SMAD5: variants seen among roughly 807,000 people sequenced by gnomAD.
SMAD5 encodes the protein SMAD family member 5.
A neutral mutation model predicts 43.1 loss-of-function variants in SMAD5; 9 were observed. That is an observed-to-expected ratio of 0.21 (90% CI 0.13 to 0.36). The LOEUF (loss-of-function observed/expected upper bound fraction) is 0.36, where lower values mean the gene tolerates loss of function less well. SMAD5 is among the 10% of genes least tolerant of loss of function. The pLI is 1.00. For synonymous variants in SMAD5, 190 were observed against 192.4 expected (o/e 0.99, Z 0.10); for missense variants, 348 against 574.0 (o/e 0.61, Z 4.02).
At chr5:136,149,629 G>T (rs1753383720) in intron 2 of SMAD5, among the ~76,000 whole-genome samples, 1 of 151,516 alleles carries the variant, frequency 6.6e-6, no homozygotes. Context: ...GTCCTCTTTT[G>T]TGAAGGATCT....
At chr5:136,147,160 AAATGTCCT>A (rs1753287164) in intron 1 of SMAD5, among the ~76,000 whole-genome samples, 1 of 151,754 alleles carries the variant, frequency 6.6e-6, no homozygotes, top group East Asian at 1.9e-4. Context: ...AGTGTGCTAA[AAATGTCCT>A]AATGATAATT....
intron 1 of SMAD5, among the ~76,000 whole-genome samples, chr5:136,146,606 TATGTG>T (rs1048440969): frequency 4.2e-4 from 64 of 151,848 alleles, no homozygotes; most frequent in African/African-American, 1.1e-3. Flanking sequence ...ACCGAGTACT[TATGTG>T]AGGATACTAA....
intron 3 of SMAD5, among the ~76,000 whole-genome samples, chr5:136,156,688 C>T (rs996870546): frequency 2.0e-5 from 3 of 152,138 alleles, no homozygotes; most frequent in Non-Finnish European, 4.4e-5. Context: ...AGGAGGGAGT[C>T]TAGGAATTTT....
At chr5:136,176,177 G>A (rs1004403139) in intron 7 of SMAD5, among the ~76,000 whole-genome samples, 75 of 151,732 alleles carry the variant, frequency 4.9e-4, no homozygotes, top group African/African-American at 1.7e-3. Flanking sequence ...ACCTGGGCCG[G>A]GTGAGGTGGC....
At chr5:136,145,632 C>A (rs767652403) in intron 1 of SMAD5, among the ~76,000 whole-genome samples, 16 of 152,012 alleles carry the variant, frequency 1.1e-4, no homozygotes, top group Non-Finnish European at 2.2e-4. Context: ...ATTTAAAATC[C>A]TCAGCCTGAT....
At chr5:136,164,840 A>T (rs565822229) in intron 5 of SMAD5, among the ~76,000 whole-genome samples, 3 of 152,268 alleles carry the variant, frequency 2.0e-5, no homozygotes, top group African/African-American at 7.2e-5. Context: ...TAGAAGTTCT[A>T]TAGTTTTAGC....
intron 5 of SMAD5, among the ~76,000 whole-genome samples, chr5:136,172,149 T>G (rs1754245250): frequency 6.6e-6 from 1 of 152,084 alleles, no homozygotes; most frequent in African/African-American, 2.4e-5. Context: ...AGAAATAAAT[T>G]TCTGTTGTTT....
rs1185223347 is a variant in SMAD5, at chr5:136,181,096, T to C, written c.*3616T>C. On this transcript the variant is annotated 3_prime_UTR_variant, in exon 8 of 8. Coordinates refer to ENST00000545279, the MANE Select transcript of SMAD5 (RefSeq NM_005903.7). ...CTATCAAAGTGCTGTACTTCTGTGA[T>C]AGAGAACATCTGATGTACCAATTTA... is the stretch of plus-strand genomic sequence containing the variant. The C allele has an allele frequency of 3.9e-5, 6 of 152,160 alleles. No individual in the cohort carries two copies. Among genetic ancestry groups the C allele is most frequent in the African/African-American group, 1.2e-4 (5 of 41,462 alleles). The allele number at this position is 152,160 out of a possible 1,614,324, so 9.4% of individuals were successfully genotyped here. A position where few individuals can be genotyped will look rare whatever the true frequency, so the allele number is the denominator to read the frequency against.
In SMAD5 at chr5:136,160,947, A is replaced by G. The variant is rs779435052; in HGVS notation, c.495A>G (p.Pro165=). ...TTAGGAACCTGAGCCACAATGAACC[A>G]CACATGCCACAAAATGCCACGTTTC... The part of the protein sequence containing the change: ...VQFRNLSHNE[P]HMPQNATFPD... The change falls in exon 4 of 8, where the codon CCA becomes CCG. Residue 165 remains proline, a synonymous_variant. Transcript: ENST00000545279. 1 of 1,613,944 alleles carries G rather than the reference A, an allele frequency of 6.2e-7. No individual in the cohort carries two copies. Among genetic ancestry groups the G allele is most frequent in the Non-Finnish European group, 8.5e-7 (1 of 1,179,862 alleles).
At position 136,153,844 on chromosome 5, in the gene SMAD5, G is replaced by A; in HGVS notation, c.84G>A (p.Glu28=). The A allele has an allele frequency of 3.7e-6, 6 of 1,613,806 alleles. No homozygotes were observed. Among genetic ancestry groups the A allele is most frequent in the Non-Finnish European group, 5.1e-6 (6 of 1,179,796 alleles). The change falls in exon 3 of 8, where the codon GAG becomes GAA. Residue 28 remains glutamate (E), a synonymous_variant. Transcript: ENST00000545279. ...LLGWKQGDEE[E]KWAEKAVDAL... is the part of the protein sequence containing the mutation. ...GCTGGAAACAAGGTGATGAGGAGGA[G>A]AAATGGGCAGAAAAGGCAGTTGATG...
intron 5 of SMAD5, among the ~76,000 whole-genome samples, chr5:136,166,262 C>T (rs1754008465): frequency 6.6e-6 from 1 of 151,812 alleles, no homozygotes; most frequent in South Asian, 2.1e-4. Flanking sequence ...CCTTAACCTC[C>T]TTAGTTTGTC....
chr5:136,160,828 C>T (rs1201682746), intron 3 of SMAD5, 28 bp from the exon 4 acceptor site: 1 of 1,608,682 alleles, frequency 6.2e-7, no homozygotes, highest in Non-Finnish European at 8.5e-7. Flanking sequence ...TCATTCCTGA[C>T]AAATGACTTT....
chr5:136,161,149 T>A, intron 4 of SMAD5, 42 bp downstream of exon 4: 1 of 1,566,450 alleles, frequency 6.4e-7, no homozygotes, highest in Non-Finnish European at 8.7e-7. Context: ...AAAAAATTCC[T>A]AAGAATCACA....
chr5:136,136,391 T>A (rs1752879010), intron 1 of SMAD5, among the ~76,000 whole-genome samples: 1 of 152,190 alleles, frequency 6.6e-6, no homozygotes, highest in Non-Finnish European at 1.5e-5. Context: ...TTCGCCAGGC[T>A]GGTCTTGAAC....
chr5:136,138,452 G>T, intron 1 of SMAD5, among the ~76,000 whole-genome samples: 1 of 152,300 alleles, frequency 6.6e-6, no homozygotes, highest in East Asian at 1.9e-4. Context: ...TTCTTATAAA[G>T]AATAGGATTT....
At chr5:136,143,207 G>A (rs1753142775) in intron 1 of SMAD5, among the ~76,000 whole-genome samples, 1 of 151,466 alleles carries the variant, frequency 6.6e-6, no homozygotes, top group Non-Finnish European at 1.5e-5. Flanking sequence ...CATTATTCAG[G>A]GTTTAAACCT....
chr5:136,159,830 T>A (rs1753767676), intron 3 of SMAD5, among the ~76,000 whole-genome samples: 1 of 152,220 alleles, frequency 6.6e-6, no homozygotes, highest in African/African-American at 2.4e-5. Flanking sequence ...AAACACTGGA[T>A]TGTTGTGTAC....
At chr5:136,169,264 C>T (rs1015575015) in intron 5 of SMAD5, among the ~76,000 whole-genome samples, 1 of 152,212 alleles carries the variant, frequency 6.6e-6, no homozygotes, top group Admixed American at 6.5e-5. Flanking sequence ...CAAGTCTGCT[C>T]TTCCATCTTC....
intron 5 of SMAD5, among the ~76,000 whole-genome samples, chr5:136,169,515 A>G (rs938969748): frequency 6.6e-6 from 1 of 152,198 alleles, no homozygotes; most frequent in African/African-American, 2.4e-5. Context: ...CAGTTTGTTT[A>G]TCTGTTCACC....
Sources: gnomAD v4.1 joint callset for allele counts (sites outside exome capture counted in the v4.1 genomes callset) on GRCh38, gnomAD v4.1.1 for gene constraint, MANE v1.5 for transcripts, NCBI Gene and HGNC (gene_info 2026-07-23, HGNC 2026-07-21) for gene names.